COL25A1: variants seen among roughly 807,000 people sequenced by gnomAD.
The protein encoded by COL25A1 is collagen alpha-1(XXV) chain.
Under a neutral mutation model 128.4 loss-of-function variants are expected in COL25A1, and 103 were observed. The ratio of observed to expected loss-of-function variants is 0.80; its 90% confidence interval spans 0.68 to 0.94. The LOEUF is 0.94. Ranked by LOEUF, COL25A1 falls within the 40% of genes least tolerant of loss-of-function variation. The probability of loss-of-function intolerance (pLI) is 0.00; values close to 1 mark genes in which losing one functional copy is unlikely to be tolerated. For missense variants in COL25A1, 745 were observed against 840.0 expected, an observed-to-expected ratio of 0.89 and a Z score of 1.40; for synonymous variants, 279 against 277.2, an observed-to-expected ratio of 1.01 and a Z score of -0.06.
At chr4:109,106,428 A>G (rs987437436) in intron 3 of COL25A1, among the ~76,000 whole-genome samples, 1 of 152,176 alleles carries the variant, frequency 6.6e-6, no homozygotes, top group Admixed American at 6.5e-5. Context: ...CCCAACCAAA[A>G]TAAAAAACCT....
chr4:108,952,678 T>C (rs980150049), intron 8 of COL25A1, among the ~76,000 whole-genome samples: 3 of 152,120 alleles, frequency 2.0e-5, no homozygotes, highest in Non-Finnish European at 4.4e-5. Flanking sequence ...TCATCTCAAC[T>C]TGAATATATC....
chr4:109,218,362 T>TTTTTTTTTGTTTTTTTTTG, intron 3 of COL25A1, among the ~76,000 whole-genome samples: 1 of 136,630 alleles, frequency 7.3e-6, no homozygotes, highest in South Asian at 2.4e-4. Context: ...TTGGGGTTTT[T>TTTTTTTTTGTTTTTTTTTG]TTTTTTTTTT....
At chr4:109,004,386 T>G (rs1028403708) in intron 6 of COL25A1, among the ~76,000 whole-genome samples, 3 of 136,756 alleles carry the variant, frequency 2.2e-5, no homozygotes, top group African/African-American at 5.5e-5. Flanking sequence ...GATATAGAAG[T>G]AGAATTGAGG....
intron 13 of COL25A1, among the ~76,000 whole-genome samples, chr4:108,913,641 A>C (rs1304148241): frequency 6.6e-6 from 1 of 152,152 alleles, no homozygotes; most frequent in African/African-American, 2.4e-5. Context: ...ATTTGTTCTT[A>C]TGGATGCTAA....
At chr4:108,884,495 A>G (rs1740537328) in intron 18 of COL25A1, among the ~76,000 whole-genome samples, 1 of 152,148 alleles carries the variant, frequency 6.6e-6, no homozygotes, top group Non-Finnish European at 1.5e-5. Flanking sequence ...GAGGAGTCAA[A>G]AGAGAAGAAA....
At chr4:109,197,445 A>C (rs1204029098) in intron 3 of COL25A1, among the ~76,000 whole-genome samples, 2 of 120,190 alleles carry the variant, frequency 1.7e-5, no homozygotes, top group Admixed American at 1.1e-4. Flanking sequence ...TATATATTAT[A>C]TATATTATAT....
At chr4:109,012,509 C>T (rs912348964) in intron 5 of COL25A1, among the ~76,000 whole-genome samples, 1 of 152,146 alleles carries the variant, frequency 6.6e-6, no homozygotes, top group Non-Finnish European at 1.5e-5. Flanking sequence ...CTGCGTGCAG[C>T]GCTCGTGGGC....
At chr4:109,156,633 C>A (rs6533415) in intron 3 of COL25A1, among the ~76,000 whole-genome samples, 1 of 151,932 alleles carries the variant, frequency 6.6e-6, no homozygotes, top group African/African-American at 2.4e-5. Flanking sequence ...AAACTAAGGC[C>A]TGTTTGAAGA....
chr4:109,140,134 T>C (rs975711783), intron 3 of COL25A1, among the ~76,000 whole-genome samples: 7 of 152,158 alleles, frequency 4.6e-5, no homozygotes, highest in Non-Finnish European at 7.4e-5. Context: ...AATAAACATA[T>C]GTGTGCATGT....
chr4:109,186,667 G>A (rs1173954404), intron 3 of COL25A1, among the ~76,000 whole-genome samples: 1 of 152,194 alleles, frequency 6.6e-6, no homozygotes, highest in African/African-American at 2.4e-5. Flanking sequence ...AAATGGGACA[G>A]GATCACTACA....
chr4:108,825,614 G>A (rs1465811570), intron 33 of COL25A1, among the ~76,000 whole-genome samples: 3 of 152,158 alleles, frequency 2.0e-5, no homozygotes, highest in African/African-American at 7.2e-5. Flanking sequence ...TGGTATCTAA[G>A]TTACCAGTCC....
At chr4:108,901,781 T>C (rs1316420043) in intron 13 of COL25A1, among the ~76,000 whole-genome samples, 4 of 152,120 alleles carry the variant, frequency 2.6e-5, no homozygotes, top group Non-Finnish European at 5.9e-5. Flanking sequence ...GATAGGCTTT[T>C]GGGCAAAAGA....
intron 3 of COL25A1, among the ~76,000 whole-genome samples, chr4:109,227,906 G>A (rs1052103780): frequency 2.6e-5 from 4 of 152,110 alleles, no homozygotes; most frequent in African/African-American, 9.7e-5. Flanking sequence ...TGCTGGTAAT[G>A]GTGGCTCAGT....
At chr4:109,250,065 G>A (rs1361734510) in intron 3 of COL25A1, among the ~76,000 whole-genome samples, 1 of 152,106 alleles carries the variant, frequency 6.6e-6, no homozygotes, top group Non-Finnish European at 1.5e-5. Context: ...TGTAGAAAGA[G>A]TAATAGCTTA....
chr4:109,167,880 A>T (rs1269359274), intron 3 of COL25A1, among the ~76,000 whole-genome samples: 1 of 152,162 alleles, frequency 6.6e-6, no homozygotes, highest in East Asian at 1.9e-4. Context: ...CAGATAGATG[A>T]GGGGAGGTGG....
intron 26 of COL25A1, among the ~76,000 whole-genome samples, chr4:108,850,728 G>C (rs1434364689): frequency 6.6e-6 from 1 of 151,960 alleles, no homozygotes. Flanking sequence ...TTTCTTTCTA[G>C]TATCCTTACT....
chr4:109,052,192 TAACA>T (rs1204170801), intron 3 of COL25A1, among the ~76,000 whole-genome samples: 2 of 151,564 alleles, frequency 1.3e-5, no homozygotes, highest in African/African-American at 4.9e-5. Context: ...AATTTTTACT[TAACA>T]GACAGAAGAT....
In COL25A1 at chr4:108,884,228, C is replaced by T. The variant is rs1740488874; in HGVS notation, c.976-6G>A. On this transcript the variant is annotated splice_polypyrimidine_tract_variant and splice_region_variant and intron_variant, in intron 18 of 37. Coordinates refer to ENST00000399132, the MANE Select transcript of COL25A1 (RefSeq NM_198721.4). ...CCAGGAAGCCCTGGTTCACCCTACACAGGAAAATCATATAGCATTATAGAA... is the reference window on the plus strand; with the variant it reads ...CCAGGAAGCCCTGGTTCACCCTACATAGGAAAATCATATAGCATTATAGAA... 3.1e-6 allele frequency: 5 copies of T among 1,612,710 alleles called. No homozygotes were observed. Among genetic ancestry groups the T allele is most frequent in the South Asian group, 1.1e-5 (1 of 91,044 alleles).
chr4:109,294,167 G>A (rs773109476), intron 3 of COL25A1, among the ~76,000 whole-genome samples: 2 of 152,076 alleles, frequency 1.3e-5, no homozygotes, highest in Non-Finnish European at 2.9e-5. Flanking sequence ...GGTTTAACTG[G>A]GAAGGAGGCA....
Sources: gnomAD v4.1 joint callset for allele counts (sites outside exome capture counted in the v4.1 genomes callset) on GRCh38, gnomAD v4.1.1 for gene constraint, MANE v1.5 for transcripts, NCBI Gene and HGNC (gene_info 2026-07-23, HGNC 2026-07-21) for gene names.